Variants in SETDB1 observed in about 807,000 individuals in gnomAD.
SETDB1 encodes SET domain bifurcated histone lysine methyltransferase 1.
In SETDB1, 31 loss-of-function variants were observed where a neutral mutation model predicts 137.4. The ratio of observed to expected loss-of-function variants is 0.23; its 90% CI spans 0.17 to 0.30. The LOEUF is 0.30. Among genes scored for constraint, SETDB1 ranks in the 10% least tolerant of loss-of-function variants. SETDB1 has a pLI of 1.00. For synonymous variants in SETDB1, 548 were observed against 579.9 expected (o/e 0.95, Z 0.79); for missense variants, 1,113 against 1,631.5 (o/e 0.68, Z 5.47).
chr1:150,951,473 A>G lies in SETDB1; in HGVS notation c.2325A>G (p.Leu775=). 6.3e-7 allele frequency: 1 copy of G among 1,575,228 alleles called. No individual in the cohort carries two copies. The highest frequency in any genetic ancestry group is 8.7e-7 in the Non-Finnish European group (1 of 1,144,512). Residue 775 remains leucine (L), a synonymous_variant, in exon 14 of 22, where the codon CTA becomes CTG. Transcript: ENST00000692827. The stretch of plus-strand genomic sequence containing the variant: ...AGTACAAGAGACTAGAAGAGTGTCT[A>G]CCCACAGGGTAAGTGGTCAAGGAAT... ...GYQYKRLEEC[L]PTGVYECNKR... is the part of the protein sequence containing the mutation.
In SETDB1 at chr1:150,963,145, C is replaced by A; in HGVS notation, c.3460+6C>A. The A allele has an allele frequency of 6.2e-7, 1 of 1,601,148 alleles. No homozygotes were observed. The highest frequency in any genetic ancestry group is 8.5e-7 in the Non-Finnish European group (1 of 1,171,356). Reference sequence around the variant, plus strand: ...GGACAAGAAGAACATGACTGGTAGCCTGGAAAAATTTTGGGAATGGTGGGA... The same window carrying A: ...GGACAAGAAGAACATGACTGGTAGCATGGAAAAATTTTGGGAATGGTGGGA... On this transcript the variant is annotated splice_donor_region_variant and intron_variant, in intron 19 of 21. Transcript: ENST00000692827.
rs1254727679 is a variant in SETDB1, at chr1:150,961,327, CT to C, written c.3132+137del. 4.5e-6 allele frequency: 4 copies of C among 885,940 alleles called. No homozygotes were observed. In the East Asian group the frequency reaches 1.1e-4, roughly 24 times the overall value. The allele number at this position is 885,940 out of a possible 1,614,324, so 54.9% of individuals were successfully genotyped here. The stretch of plus-strand genomic sequence containing the variant: ...TGTGGCCACCTCGTTATCTCTCCCC[CT>C]AACTAGCACATTCCTAGTGTTTGTT... On this transcript the variant is annotated intron_variant, in intron 16 of 21. Transcript: ENST00000692827.
chr1:150,933,596 T>G (rs1669836450), intron 3 of SETDB1, among the ~76,000 whole-genome samples: 1 of 140,768 alleles, frequency 7.1e-6, no homozygotes, highest in Admixed American at 7.8e-5. Flanking sequence ...AGTCTTGTCT[T>G]AAACTTCTGA....
At chr1:150,930,519 C>CT (rs61548246) in intron 3 of SETDB1, 33,374 of 65,650 alleles carry the variant, frequency 0.51, 15,636 homozygotes, top group Non-Finnish European at 0.6. Context: ...TTAGGATTTT[C>CT]TTTTTTTTTT....
intron 15 of SETDB1, 77 bp from the exon 16 acceptor site, chr1:150,960,486 A>AG: frequency 7.7e-7 from 1 of 1,303,010 alleles, no homozygotes; most frequent in East Asian, 2.4e-5. Flanking sequence ...GGAAAAAAAA[A>AG]AAAAAAAAAG....
At chr1:150,946,166 C>T (rs779683146) in intron 9 of SETDB1, among the ~76,000 whole-genome samples, 1 of 151,942 alleles carries the variant, frequency 6.6e-6, no homozygotes, top group Non-Finnish European at 1.5e-5. Context: ...ACTACAAGTG[C>T]ATGCCACCAC....
At chr1:150,928,057 G>A in intron 2 of SETDB1, 83 bp downstream of exon 2, 1 of 1,467,352 alleles carries the variant, frequency 6.8e-7, no homozygotes, top group South Asian at 1.2e-5. Flanking sequence ...ATTGAACCAA[G>A]CATTTTATTT....
intron 14 of SETDB1, among the ~76,000 whole-genome samples, chr1:150,956,745 C>T (rs893133718): frequency 6.6e-6 from 1 of 151,160 alleles, no homozygotes; most frequent in African/African-American, 2.5e-5. Context: ...GGGAAATAAT[C>T]TCTTTTTTTT....
At position 150,943,924 on chromosome 1, in the gene SETDB1, C is replaced by T; in HGVS notation, c.880C>T (p.Leu294Phe). The T allele has an allele frequency of 6.2e-7, 1 of 1,607,192 alleles. No homozygotes were observed. The highest frequency in any genetic ancestry group is 8.5e-7 in the Non-Finnish European group (1 of 1,173,958). ...GCTGTCACTCTTCTTTTATAGGTTT[C>T]TCATTTTCTTTGATGATGGCTATGC... ...TPNVKNKLRF[L>F]IFFDDGYASY... The change falls in exon 8 of 22, where the codon CTC becomes TTC. Residue 294 changes from leucine to phenylalanine, a missense_variant. Physicochemically the swap from Leu to Phe is conservative, Grantham distance 22. Coordinates refer to ENST00000692827, the MANE Select transcript of SETDB1 (RefSeq NM_001366418.1).
intron 7 of SETDB1, 89 bp from the exon 8 acceptor site, chr1:150,943,831 A>C (rs1476826708): frequency 1.3e-6 from 1 of 794,744 alleles, no homozygotes; most frequent in Admixed American, 2.0e-5. Flanking sequence ...TGTGATCCAG[A>C]GAAGTAGAAG....
At chr1:150,962,905 G>A in intron 18 of SETDB1, 69 bp from the exon 19 acceptor site, 3 of 1,559,790 alleles carry the variant, frequency 1.9e-6, no homozygotes, top group African/African-American at 1.4e-5. Flanking sequence ...CAAACCGTGG[G>A]TAACAGCAAG....
rs587618103 is a variant in SETDB1 at position 150,940,399 on chromosome 1, C to T, written c.447+425C>T. On this transcript the variant is annotated intron_variant, in intron 4 of 21. Coordinates refer to ENST00000692827, the MANE Select transcript of SETDB1 (RefSeq NM_001366418.1). ...TGGCCAAAATGGCGAAACCCCATCT[C>T]TACTAAAAAAATATAAAAATTAGCT... Among the ~76,000 whole-genome samples, 19 of 151,816 alleles carry T rather than the reference C, an allele frequency of 1.3e-4. 1 individual carries two copies. The East Asian group carries it at 3.5e-3, about 28-fold the overall frequency.
At chr1:150,939,426 C>T (rs1670061969) in intron 3 of SETDB1, among the ~76,000 whole-genome samples, 1 of 152,012 alleles carries the variant, frequency 6.6e-6, no homozygotes, top group Non-Finnish European at 1.5e-5. Flanking sequence ...CTCCCGGATT[C>T]CAGCACTTCT....
chr1:150,931,656 CAA>C (rs10607028), intron 3 of SETDB1, among the ~76,000 whole-genome samples: 47,258 of 108,498 alleles, frequency 0.44, 10,335 homozygotes, highest in African/African-American at 0.54. Context: ...AAAGATAAAC[CAA>C]AAAAAAAAAA....
At chr1:150,962,566 C>A (rs1019434293) in intron 17 of SETDB1, 21 bp from the exon 18 acceptor site, 1 of 1,613,098 alleles carries the variant, frequency 6.2e-7, no homozygotes. Context: ...CTGTTGGCTT[C>A]ATTCCTTCCC....
Position 150,949,435 on chromosome 1 carries a change from G to C in SETDB1, c.1493G>C (p.Gly498Ala), listed in dbSNP as rs1377303072. Residue 498 changes from glycine (G) to alanine (A), a missense_variant, in exon 12 of 22, where the codon GGA (glycine) becomes GCA (alanine). Physicochemically the swap from Gly to Ala is moderately conservative, Grantham distance 60. This residue lies in a region of SETDB1 where 192 missense variants were observed against 198.1 expected (regional missense o/e 0.97). Coordinates refer to ENST00000692827, the MANE Select transcript of SETDB1 (RefSeq NM_001366418.1). ...AAAAAGAGCACGTCCTTTCGACCAG[G>C]ATCTGTGGGCTCTGGTCATTCCTCC... ...VAKKSTSFRPGSVGSGHSSPT... is the reference protein window; with the variant it reads ...VAKKSTSFRPASVGSGHSSPT... The C allele has an allele frequency of 2.5e-6, 4 of 1,614,102 alleles. No homozygotes were observed. The Admixed American group carries it at 6.7e-5, about 27-fold the overall frequency.
At chr1:150,931,701 C>T (rs1480647211) in intron 3 of SETDB1, among the ~76,000 whole-genome samples, 6 of 115,250 alleles carry the variant, frequency 5.2e-5, no homozygotes, top group Non-Finnish European at 6.9e-5. Context: ...CCAGCCTGGG[C>T]GACAGAGTGA....
chr1:150,942,576 G>T lies in SETDB1; in HGVS notation c.561G>T (p.Gln187His). 6.2e-7 allele frequency: 1 copy of T among 1,612,316 alleles called. No individual in the cohort carries two copies. ...SQDLHKGTLSQMSGELSKDGD... is the reference protein window; with the variant it reads ...SQDLHKGTLSHMSGELSKDGD... Reference sequence around the variant, plus strand: ...CTTCTTCTATAGGAACCTTGAGTCAGATGTCTGGAGAACTAAGCAAAGATG... The same window carrying T: ...CTTCTTCTATAGGAACCTTGAGTCATATGTCTGGAGAACTAAGCAAAGATG... Residue 187 changes from glutamine (Q) to histidine (H), a missense_variant, in exon 6 of 22, where the codon CAG becomes CAT. This residue lies in a region of SETDB1 where 159 missense variants were observed against 188.6 expected (regional missense o/e 0.84). Transcript: ENST00000692827.
At chr1:150,944,889 C>T in intron 8 of SETDB1, 29 bp from the exon 9 acceptor site, 1 of 1,612,028 alleles carries the variant, frequency 6.2e-7, no homozygotes, top group Non-Finnish European at 8.5e-7. Context: ...CCTACCTGCC[C>T]TCTCAGTTCT....
Sources: gnomAD v4.1 joint callset for allele counts (sites outside exome capture counted in the v4.1 genomes callset) on GRCh38, gnomAD v4.1.1 for gene constraint, gnomAD v4.1.1 regional missense constraint, MANE v1.5 for transcripts, NCBI Gene and HGNC (gene_info 2026-07-23, HGNC 2026-07-21) for gene names.